Variants in RIGI observed in about 807,000 individuals in gnomAD.
The protein encoded by RIGI is antiviral innate immune response receptor RIG-I.
chr9:32,504,067 A>ACC, the RIGI span, among the ~76,000 whole-genome samples: 1 of 151,432 alleles, frequency 6.6e-6, no homozygotes, highest in East Asian at 1.9e-4. Flanking sequence ...ACACACACAC[A>ACC]CCCAGGTCTG....
chr9:32,492,648 C>T, the RIGI span: 2 of 1,275,404 alleles, frequency 1.6e-6, no homozygotes, highest in South Asian at 2.7e-5. Flanking sequence ...AGCCATTGTA[C>T]ATTACAGCTC....
chr9:32,502,418 T>C, the RIGI span, among the ~76,000 whole-genome samples: 2 of 152,364 alleles, frequency 1.3e-5, no homozygotes, highest in African/African-American at 2.4e-5. Flanking sequence ...TTTAACATTA[T>C]AGGGAATTGT....
At chr9:32,457,523 A>G in the RIGI span, 1 of 984,400 alleles carries the variant, frequency 1.0e-6, no homozygotes, top group Admixed American at 3.2e-5. Flanking sequence ...ATCTGAGGCA[A>G]AGAACAGGTG....
At chr9:32,466,090 A>C in the RIGI span, among the ~76,000 whole-genome samples, 1 of 152,226 alleles carries the variant, frequency 6.6e-6, no homozygotes, top group African/African-American at 2.4e-5. Context: ...ATCTGAAAAC[A>C]TAACTTCAGT....
chr9:32,517,308 T>G, the RIGI span, among the ~76,000 whole-genome samples: 1 of 152,354 alleles, frequency 6.6e-6, no homozygotes, highest in South Asian at 2.1e-4. Flanking sequence ...GGTTGTAGAT[T>G]CGTGAGTTTG....
At chr9:32,482,365 A>T in the RIGI span, among the ~76,000 whole-genome samples, 1 of 152,220 alleles carries the variant, frequency 6.6e-6, no homozygotes, top group Non-Finnish European at 1.5e-5. Context: ...TAATTTACCC[A>T]TAGTCACACA....
At chr9:32,467,823 C>T in the RIGI span, 6 of 1,612,790 alleles carry the variant, frequency 3.7e-6, no homozygotes, top group South Asian at 2.2e-5. Flanking sequence ...CAAGATTGCA[C>T]TGTGCAATGT....
the RIGI span, chr9:32,473,054 A>G: frequency 4.4e-6 from 7 of 1,606,250 alleles, no homozygotes; most frequent in African/African-American, 5.4e-5. Flanking sequence ...CTTCAATCCA[A>G]TTTTTTAAAG....
chr9:32,500,835 G>A, the RIGI span: 56 of 1,614,094 alleles, frequency 3.5e-5, no homozygotes, highest in South Asian at 2.6e-4. Context: ...AAAAAGCCAC[G>A]GAACCAGCCT....
At chr9:32,482,760 G>C in the RIGI span, among the ~76,000 whole-genome samples, 1 of 152,034 alleles carries the variant, frequency 6.6e-6, no homozygotes, top group African/African-American at 2.4e-5. Flanking sequence ...TTAGGAGACT[G>C]AGGCAGGAGA....
At chr9:32,455,526 G>A in the RIGI span, among the ~76,000 whole-genome samples, 6 of 152,122 alleles carry the variant, frequency 3.9e-5, no homozygotes, top group South Asian at 4.1e-4. Flanking sequence ...AACTGCCCCC[G>A]TGATCCAATC....
the RIGI span, among the ~76,000 whole-genome samples, chr9:32,515,117 T>C: frequency 6.6e-6 from 1 of 152,240 alleles, no homozygotes; most frequent in South Asian, 2.1e-4. Context: ...TAATCTTATT[T>C]GTGGCCAGGC....
the RIGI span, among the ~76,000 whole-genome samples, chr9:32,503,562 T>C: frequency 2.0e-5 from 3 of 152,186 alleles, no homozygotes; most frequent in Non-Finnish European, 4.4e-5. Context: ...CACTGCATAG[T>C]ATATAGTAAA....
At chr9:32,525,755 A>G in the RIGI span, among the ~76,000 whole-genome samples, 1 of 151,900 alleles carries the variant, frequency 6.6e-6, no homozygotes, top group Admixed American at 6.6e-5. Context: ...GTACCCAGCC[A>G]AGCACACAGT....
At chr9:32,497,563 C>T in the RIGI span, among the ~76,000 whole-genome samples, 25 of 152,224 alleles carry the variant, frequency 1.6e-4, no homozygotes, top group Admixed American at 3.9e-4. Flanking sequence ...CTGGTTAACA[C>T]GGTGAAACCC....
the RIGI span, among the ~76,000 whole-genome samples, chr9:32,524,594 C>CA: frequency 6.0e-5 from 4 of 66,972 alleles, no homozygotes; most frequent in African/African-American, 1.8e-4. Flanking sequence ...TTTTGTTTTT[C>CA]GGTTTTTTTT....
At chr9:32,516,184 C>T in the RIGI span, among the ~76,000 whole-genome samples, 1 of 152,202 alleles carries the variant, frequency 6.6e-6, no homozygotes, top group Non-Finnish European at 1.5e-5. Flanking sequence ...CCAGGCCCCT[C>T]ATTCATCATG....
chr9:32,492,376 G>A, the RIGI span: 1 of 1,613,778 alleles, frequency 6.2e-7, no homozygotes, highest in Non-Finnish European at 8.5e-7. Flanking sequence ...CTGTGAGGAG[G>A]GTACAGTGTC....
At chr9:32,496,010 A>G in the RIGI span, among the ~76,000 whole-genome samples, 1 of 152,340 alleles carries the variant, frequency 6.6e-6, no homozygotes, top group African/African-American at 2.4e-5. Context: ...CTTATCAGGT[A>G]TATGATTTGC....
Sources: gnomAD v4.1 joint callset for allele counts (sites outside exome capture counted in the v4.1 genomes callset) on GRCh38, gnomAD v4.1.1 for gene constraint, MANE v1.5 for transcripts, NCBI Gene and HGNC (gene_info 2026-07-23, HGNC 2026-07-21) for gene names.